HTR3C: variants seen among roughly 807,000 people sequenced by gnomAD.
HTR3C encodes the protein 5-hydroxytryptamine receptor 3C.
A neutral mutation model predicts 40.5 loss-of-function variants in HTR3C; 32 were observed. That is an observed-to-expected ratio of 0.79 (90% CI 0.60 to 1.06). The LOEUF (loss-of-function observed/expected upper bound fraction) is 1.06. HTR3C is among the 50% of genes least tolerant of loss of function. The pLI is 0.00. For missense variants in HTR3C, 523 were observed against 556.8 expected (o/e 0.94, Z 0.61); for synonymous variants, 209 against 217.1 (o/e 0.96, Z 0.33).
chr3:184,056,300 C>T lies in HTR3C; in HGVS notation c.389+14C>T. The T allele has an allele frequency of 1.3e-6, 2 of 1,569,692 alleles. No homozygotes were observed. The highest frequency in any genetic ancestry group is 1.8e-6 in the Non-Finnish European group (2 of 1,139,768). On this transcript the variant is annotated intron_variant, in intron 4 of 8. Coordinates refer to ENST00000318351, the MANE Select transcript of HTR3C (RefSeq NM_130770.3). ...CATCGTGGAATCGTGCGTATGCAGGCTGGGGAAGCCAGCGTGAAACCTCAT... is the reference window on the plus strand; with the variant it reads ...CATCGTGGAATCGTGCGTATGCAGGTTGGGGAAGCCAGCGTGAAACCTCAT...
intron 2 of HTR3C, 79 bp downstream of exon 2, chr3:184,054,966 C>T: frequency 1.4e-6 from 2 of 1,426,944 alleles, no homozygotes; most frequent in South Asian, 2.7e-5. Context: ...CCAACATGGC[C>T]CTGGCCCCGT....
chr3:184,055,004 T>C, intron 2 of HTR3C, 117 bp downstream of exon 2: 1 of 1,000,116 alleles, frequency 1.0e-6, no homozygotes, highest in Non-Finnish European at 1.4e-6. Flanking sequence ...CTGGATGGAT[T>C]TAACGCAAGT....
intron 6 of HTR3C, 39 bp from the exon 7 acceptor site, chr3:184,059,397 A>C (rs754335349): frequency 5.7e-5 from 90 of 1,575,092 alleles, no homozygotes; most frequent in Non-Finnish European, 7.4e-5. Flanking sequence ...GAGCCCTCTG[A>C]CATCTATTTA....
At position 184,056,968 on chromosome 3, in the gene HTR3C, C is replaced by A; in HGVS notation, c.483C>A (p.Ile161=). ...KYDKPMRVTS[I]CNLDIFYFPF... is the part of the protein sequence containing the mutation. ...ATAAGCCAATGAGGGTGACCAGCAT[C>A]TGTAACCTGGACATCTTCTACTTCC... The change falls in exon 5 of 9, where the codon ATC becomes ATA. Residue 161 remains isoleucine (I), a synonymous_variant. Coordinates refer to ENST00000318351, the MANE Select transcript of HTR3C (RefSeq NM_130770.3). The A allele has an allele frequency of 6.2e-7, 1 of 1,613,702 alleles. No homozygotes were observed. The highest frequency in any genetic ancestry group is 8.5e-7 in the Non-Finnish European group (1 of 1,179,620).
rs984918158 is a variant in HTR3C at position 184,056,915 on chromosome 3, A to T, written c.430A>T (p.Ile144Phe). The change falls in exon 5 of 9, where the codon ATC becomes TTC. Residue 144 changes from isoleucine to phenylalanine, a missense_variant. Physicochemically the swap from Ile to Phe is conservative, Grantham distance 21. Transcript: ENST00000318351. ...DQTPSGLTAYISSEGRIKYDK... is the reference protein window; with the variant it reads ...DQTPSGLTAYFSSEGRIKYDK... The stretch of plus-strand genomic sequence containing the variant: ...GACGCCTTCCGGTCTCACTGCCTAT[A>T]TCAGCAGTGAAGGTCGAATTAAGTA... The T allele has an allele frequency of 6.2e-7, 1 of 1,613,482 alleles. No individual in the cohort carries two copies. Among genetic ancestry groups the T allele is most frequent in the African/African-American group, 1.3e-5 (1 of 74,906 alleles).
At chr3:184,055,884 C>CAAAAAAAAAA (rs71185686) in intron 3 of HTR3C, among the ~76,000 whole-genome samples, 1,140 of 30,702 alleles carry the variant, frequency 0.037, 265 homozygotes, top group Middle Eastern at 0.14. Flanking sequence ...AATAGCAACT[C>CAAAAAAAAAA]AAAAAAAAAA....
At chr3:184,056,138 C>A in intron 3 of HTR3C, 39 bp from the exon 4 acceptor site, 1 of 1,327,796 alleles carries the variant, frequency 7.5e-7, no homozygotes, top group South Asian at 1.2e-5. Context: ...AGGACAAGCT[C>A]ACCGTCACTC....
intron 2 of HTR3C, 103 bp downstream of exon 2, chr3:184,054,990 C>T (rs1560080526): frequency 3.4e-6 from 4 of 1,167,904 alleles, no homozygotes; most frequent in Non-Finnish European, 4.8e-6. Flanking sequence ...GAACAATAGG[C>T]ACCCTGGATG....
At chr3:184,055,032 C>T (rs1442627824) in intron 2 of HTR3C, 145 bp downstream of exon 2, 2 of 810,396 alleles carry the variant, frequency 2.5e-6, no homozygotes, top group Admixed American at 2.9e-5. Context: ...TTTTCCTATG[C>T]GATGGAGAGG....
chr3:184,056,206 C>T lies in HTR3C; in HGVS notation c.309C>T (p.Asn103=). The T allele has an allele frequency of 6.2e-7, 1 of 1,613,596 alleles. No individual in the cohort carries two copies. The highest frequency in any genetic ancestry group is 2.2e-5 in the East Asian group (1 of 44,882). ...LVWDNPFINW[N]PKECVGINKL... is the part of the protein sequence containing the mutation. Reference sequence around the variant, plus strand: ...GGGACAATCCTTTCATTAATTGGAACCCAAAAGAGTGTGTTGGCATCAATA... The same window carrying T: ...GGGACAATCCTTTCATTAATTGGAATCCAAAAGAGTGTGTTGGCATCAATA... Residue 103 remains asparagine (N), a synonymous_variant, in exon 4 of 9, where the codon AAC becomes AAT. Coordinates refer to ENST00000318351, the MANE Select transcript of HTR3C (RefSeq NM_130770.3).
At chr3:184,057,183 G>A in intron 5 of HTR3C, 139 bp downstream of exon 5, 1 of 600,712 alleles carries the variant, frequency 1.7e-6, no homozygotes, top group South Asian at 2.7e-5. Context: ...ACCAATAACT[G>A]GCCAGGCACA....
At chr3:184,055,680 C>A (rs929509424) in intron 3 of HTR3C, among the ~76,000 whole-genome samples, 1 of 150,652 alleles carries the variant, frequency 6.6e-6, no homozygotes, top group Non-Finnish European at 1.5e-5. Flanking sequence ...TGCCACTGCA[C>A]CCCATCCTAG....
At chr3:184,058,667 C>A in intron 6 of HTR3C, 80 bp downstream of exon 6, 1 of 1,512,198 alleles carries the variant, frequency 6.6e-7, no homozygotes, top group Admixed American at 2.3e-5. Flanking sequence ...CTTTGGGAAG[C>A]AAAAAAGAAG....
Position 184,054,846 on chromosome 3 carries a change from C to T in HTR3C, c.193C>T (p.Arg65Cys), listed in dbSNP as rs761149070. The T allele has an allele frequency of 1.4e-5, 22 of 1,612,736 alleles. No individual in the cohort carries two copies. The highest frequency in any genetic ancestry group is 2.7e-5 in the African/African-American group (2 of 74,866). The stretch of plus-strand genomic sequence containing the variant: ...ATTCACCAACTACAGCATCCCTACC[C>T]GTGTCAACATCTCCTTCACCCTGTC... Reference protein sequence around the residue: ...RPFTNYSIPTRVNISFTLSAI... With the variant: ...RPFTNYSIPTCVNISFTLSAI... Residue 65 changes from arginine (R) to cysteine (C), a missense_variant, in exon 2 of 9, where the codon CGT becomes TGT. By Grantham distance (180) the Arg-to-Cys change is radical. Transcript: ENST00000318351.
chr3:184,056,321 C>T, intron 4 of HTR3C, 35 bp downstream of exon 4: 1 of 1,438,206 alleles, frequency 7.0e-7, no homozygotes, highest in Non-Finnish European at 9.8e-7. Flanking sequence ...AGCGTGAAAC[C>T]TCATCTGCCG....
intron 3 of HTR3C, 75 bp downstream of exon 3, chr3:184,055,431 G>C: frequency 1.8e-6 from 2 of 1,136,170 alleles, no homozygotes; most frequent in Non-Finnish European, 2.7e-6. Flanking sequence ...TGACTTAAAG[G>C]GGCCAGAAGC....
At chr3:184,057,245 C>G (rs1723346893) in intron 5 of HTR3C, among the ~76,000 whole-genome samples, 2 of 152,188 alleles carry the variant, frequency 1.3e-5, no homozygotes, top group Admixed American at 1.3e-4. Flanking sequence ...GGGACAAACG[C>G]TTGTGCCCAG....
chr3:184,056,180 T>C lies in HTR3C; in HGVS notation c.283T>C (p.Trp95Arg), dbSNP rs763563104. 2 of 1,604,990 alleles carry C rather than the reference T, an allele frequency of 1.2e-6. No individual in the cohort carries two copies. Among genetic ancestry groups the C allele is most frequent in the Non-Finnish European group, 1.7e-6 (2 of 1,171,806 alleles). Residue 95 changes from tryptophan to arginine, a missense_variant, in exon 4 of 9, where the codon TGG (tryptophan) becomes CGG (arginine). Transcript: ENST00000318351. Reference protein sequence around the residue: ...LTSFLWMDLVWDNPFINWNPK... With the variant: ...LTSFLWMDLVRDNPFINWNPK... ...GTCCCTCACTGCCCTGATGCAGGTA[T>C]GGGACAATCCTTTCATTAATTGGAA...
At chr3:184,055,257 G>T in intron 2 of HTR3C, 55 bp from the exon 3 acceptor site, 1 of 1,136,058 alleles carries the variant, frequency 8.8e-7, no homozygotes, top group Non-Finnish European at 1.3e-6. Flanking sequence ...ATATGAGGTG[G>T]GCATTGGCCA....
Sources: gnomAD v4.1 joint callset for allele counts (sites outside exome capture counted in the v4.1 genomes callset) on GRCh38, gnomAD v4.1.1 for gene constraint, MANE v1.5 for transcripts, NCBI Gene and HGNC (gene_info 2026-07-23, HGNC 2026-07-21) for gene names.